Variants in SMIM21 observed in about 807,000 individuals in gnomAD.
SMIM21 encodes the protein small integral membrane protein 21.
SMIM21 carries 8 observed loss-of-function variants against 8.6 expected under a neutral mutation model. The observed-to-expected ratio is 0.93, with a 90% CI of 0.55 to 1.68. The LOEUF is 1.68. Ranked by LOEUF, SMIM21 falls within the 40% of genes most tolerant of loss-of-function variation. SMIM21 has a pLI of 0.00. For synonymous variants in SMIM21, 43 were observed against 41.7 expected, an observed-to-expected ratio of 1.03 and a Z score of -0.12; for missense variants, 132 against 123.0, an observed-to-expected ratio of 1.07 and a Z score of -0.35.
rs991491616 is a variant in SMIM21, at chr18:75,416,775, C to G, written c.260+2011G>C. The G allele has an allele frequency of 2.9e-5, 4 of 137,200 alleles. No homozygotes were observed. In the South Asian group the frequency reaches 9.8e-4, roughly 33 times the overall value. The allele number at this position is 137,200 out of a possible 1,614,324, so 8.5% of individuals were successfully genotyped here. On this transcript the variant is annotated intron_variant, in intron 2 of 2. Coordinates refer to ENST00000579022, the MANE Select transcript of SMIM21 (RefSeq NM_001037331.3). ...GCTGATTTTATCATAGATTAGAGAC[C>G]CTTGTGTACTTAACTTGGTGTCTGG...
chr18:75,412,017 C>T (rs2024589920), intron 2 of SMIM21, among the ~76,000 whole-genome samples: 1 of 152,156 alleles, frequency 6.6e-6, no homozygotes, highest in South Asian at 2.1e-4. Flanking sequence ...TATAAGAAAT[C>T]AAATCATTAC....
At chr18:75,410,957 A>G (rs771506878) in intron 2 of SMIM21, 48 bp from the exon 3 acceptor site, 49 of 1,596,124 alleles carry the variant, frequency 3.1e-5, no homozygotes, top group Non-Finnish European at 3.8e-5. Flanking sequence ...TTTGATAGAT[A>G]TAATCAAAAT....
intron 1 of SMIM21, among the ~76,000 whole-genome samples, chr18:75,420,191 C>T (rs1269833165): frequency 6.6e-6 from 1 of 152,194 alleles, no homozygotes; most frequent in Non-Finnish European, 1.5e-5. Flanking sequence ...AGCCACCCTT[C>T]TGTTTCAAAG....
At chr18:75,424,178 T>C (rs2024737573) in intron 1 of SMIM21, among the ~76,000 whole-genome samples, 1 of 152,230 alleles carries the variant, frequency 6.6e-6, no homozygotes, top group Admixed American at 6.5e-5. Flanking sequence ...AGATAAGCCA[T>C]GTTACAGTAT....
At chr18:75,416,812 C>T (rs2024650849) in intron 2 of SMIM21, 1 of 151,782 alleles carries the variant, frequency 6.6e-6, no homozygotes, top group South Asian at 2.1e-4. Context: ...GTCTGTGCTG[C>T]TTTTTTTGTT....
chr18:75,426,948 A>G (rs142145867), intron 1 of SMIM21, among the ~76,000 whole-genome samples: 1 of 152,170 alleles, frequency 6.6e-6, no homozygotes, highest in Non-Finnish European at 1.5e-5. Flanking sequence ...CACATTGGCT[A>G]CTGGTTCATG....
At chr18:75,427,329 G>C (rs1390950831) in intron 1 of SMIM21, 106 bp downstream of exon 1, 1 of 1,261,940 alleles carries the variant, frequency 7.9e-7, no homozygotes, top group East Asian at 2.5e-5. Context: ...GGATTTGAGA[G>C]ACAGAGCACT....
At chr18:75,412,148 A>C (rs978471059) in intron 2 of SMIM21, among the ~76,000 whole-genome samples, 3 of 152,198 alleles carry the variant, frequency 2.0e-5, no homozygotes, top group South Asian at 2.1e-4. Flanking sequence ...CACTGTTCTG[A>C]CCTCTGGCCT....
intron 2 of SMIM21, chr18:75,417,961 G>T: frequency 2.7e-6 from 1 of 363,648 alleles, no homozygotes; most frequent in Non-Finnish European, 4.9e-6. Flanking sequence ...CTTATTCCTA[G>T]GGTATTTGGT....
chr18:75,426,279 T>A (rs2024759972), intron 1 of SMIM21, among the ~76,000 whole-genome samples: 3 of 148,630 alleles, frequency 2.0e-5, no homozygotes, highest in Non-Finnish European at 4.5e-5. Flanking sequence ...AGACCATTAC[T>A]TTTATTTATT....
chr18:75,427,642 C>T lies in SMIM21; in HGVS notation c.-79G>A, dbSNP rs777064268. ...AGGACACAGAGCTGGTGCTATAAGACCTGGTAACTAAGTTCCCAAGGAGCT... is the reference window on the plus strand; with the variant it reads ...AGGACACAGAGCTGGTGCTATAAGATCTGGTAACTAAGTTCCCAAGGAGCT... On this transcript the variant is annotated 5_prime_UTR_variant, in exon 1 of 3. Coordinates refer to ENST00000579022, the MANE Select transcript of SMIM21 (RefSeq NM_001037331.3). 9.0e-5 allele frequency: 127 copies of T among 1,404,046 alleles called. No homozygotes were observed. The highest frequency in any genetic ancestry group is 1.2e-4 in the Non-Finnish European group (123 of 1,069,472). The allele number at this position is 1,404,046 out of a possible 1,614,324, so 87.0% of individuals were successfully genotyped here.
At chr18:75,418,212 A>G (rs1030179624) in intron 2 of SMIM21, 11 of 398,454 alleles carry the variant, frequency 2.8e-5, no homozygotes, top group Admixed American at 8.8e-5. Flanking sequence ...GAAAAATAAA[A>G]TTAATATGCC....
chr18:75,418,926 GA>G lies in SMIM21; in HGVS notation c.130-11del. ...GGTGTTCATTTTCAAACTGAAAAAG[GA>G]AATAATTACAGTTACTATTTACAGT... On this transcript the variant is annotated splice_polypyrimidine_tract_variant and intron_variant, in intron 1 of 2. Transcript: ENST00000579022. The G allele has an allele frequency of 6.4e-7, 1 of 1,570,890 alleles. No individual in the cohort carries two copies. Among genetic ancestry groups the G allele is most frequent in the Non-Finnish European group, 8.8e-7 (1 of 1,142,336 alleles).
At chr18:75,419,677 A>G (rs1374940900) in intron 1 of SMIM21, among the ~76,000 whole-genome samples, 1 of 152,246 alleles carries the variant, frequency 6.6e-6, no homozygotes, top group Non-Finnish European at 1.5e-5. Context: ...CAATAAACAC[A>G]TAGCAAATTA....
At position 75,427,658 on chromosome 18, in the gene SMIM21, C is replaced by T. The variant is rs1011310005; in HGVS notation, c.-95G>A. On this transcript the variant is annotated 5_prime_UTR_variant, in exon 1 of 3. Coordinates refer to ENST00000579022, the MANE Select transcript of SMIM21 (RefSeq NM_001037331.3). Reference sequence around the variant, plus strand: ...GCTATAAGACCTGGTAACTAAGTTCCCAAGGAGCTTTTCTCTTCTTTGCCA... The same window carrying T: ...GCTATAAGACCTGGTAACTAAGTTCTCAAGGAGCTTTTCTCTTCTTTGCCA... 1.1e-5 allele frequency: 15 copies of T among 1,344,040 alleles called. No individual in the cohort carries two copies. In the South Asian group the frequency reaches 2.8e-4, roughly 25 times the overall value. 83.3% of individuals were successfully genotyped at this position (1,344,040 alleles called of 1,614,324 possible).
intron 1 of SMIM21, among the ~76,000 whole-genome samples, chr18:75,426,291 A>G (rs557591735): frequency 1.2e-4 from 13 of 111,960 alleles, no homozygotes; most frequent in South Asian, 2.7e-4. Flanking sequence ...TTATTTATTT[A>G]TTTGTTTGTT....
At chr18:75,424,570 A>C (rs1357513369) in intron 1 of SMIM21, among the ~76,000 whole-genome samples, 1 of 152,178 alleles carries the variant, frequency 6.6e-6, no homozygotes, top group East Asian at 1.9e-4. Flanking sequence ...ATCCCAGTGC[A>C]CTTGCTATCC....
At chr18:75,422,404 G>T (rs913592352) in intron 1 of SMIM21, among the ~76,000 whole-genome samples, 2 of 151,834 alleles carry the variant, frequency 1.3e-5, no homozygotes, top group Admixed American at 1.3e-4. Flanking sequence ...AAAACAGACT[G>T]ACTGTTCTTC....
At chr18:75,423,161 T>G (rs2024727348) in intron 1 of SMIM21, among the ~76,000 whole-genome samples, 1 of 152,202 alleles carries the variant, frequency 6.6e-6, no homozygotes, top group Non-Finnish European at 1.5e-5. Context: ...CATCAATCTT[T>G]TTTCCTACAG....
Sources: allele counts gnomAD v4.1 joint callset (sites outside exome capture counted in the v4.1 genomes callset), GRCh38; gene constraint gnomAD v4.1.1; transcripts MANE v1.5; gene names NCBI Gene and HGNC (gene_info 2026-07-23, HGNC 2026-07-21).